PPIE: variants seen among roughly 807,000 people sequenced by gnomAD.
PPIE encodes the protein peptidylprolyl isomerase E.
In PPIE, 20 loss-of-function variants were observed where a neutral mutation model predicts 38.4. The observed-to-expected ratio is 0.52, with a 90% confidence interval of 0.37 to 0.76. The LOEUF (loss-of-function observed/expected upper bound fraction) is 0.76, where lower values mean the gene tolerates loss of function less well. PPIE is among the 30% of genes least tolerant of loss of function. The pLI, the probability that PPIE is intolerant of heterozygous loss-of-function variation, is 0.00. For synonymous variants in PPIE, 142 were observed against 135.7 expected (o/e 1.05, Z -0.32); for missense variants, 322 against 385.8 (o/e 0.83, Z 1.39).
In PPIE at chr1:39,755,618, T is replaced by C; in HGVS notation, c.*2263T>C. ...TGCTTGGACGAGAACCAGGAGAGAG[T>C]GTGTAGAAAAAGCACAGCCAGCCTC... On this transcript the variant is annotated 3_prime_UTR_variant, in exon 10 of 10. Transcript: ENST00000324379. The C allele has an allele frequency of 1.0e-6, 1 of 984,330 alleles. No homozygotes were observed. The highest frequency in any genetic ancestry group is 4.7e-5 in the South Asian group (1 of 21,236). The allele number at this position is 984,330 out of a possible 1,614,324, so 61.0% of individuals were successfully genotyped here.
chr1:39,743,693 C>G (rs1340903000), intron 5 of PPIE, 131 bp from the exon 6 acceptor site: 8 of 696,626 alleles, frequency 1.1e-5, no homozygotes, highest in Non-Finnish European at 1.9e-5. Context: ...TTCCTTACCC[C>G]TGGGAGTTCT....
intron 8 of PPIE, among the ~76,000 whole-genome samples, chr1:39,752,026 C>T (rs1375960313): frequency 6.6e-6 from 1 of 152,048 alleles, no homozygotes; most frequent in East Asian, 1.9e-4. Context: ...TGCTTGTGCC[C>T]CAGAGATTGA....
In PPIE at chr1:39,752,406, T is replaced by C. The variant is rs569528532; in HGVS notation, c.695-504T>C. 1.5e-3 allele frequency among the ~76,000 whole-genome samples: 235 copies of C among 152,260 alleles called. 1 individual carries two copies. Among genetic ancestry groups the C allele is most frequent in the Non-Finnish European group, 2.6e-3 (178 of 68,008 alleles). ...CCTGTTTCAATAAATGACTCCACCA[T>C]CCACTTAGCCGCTTGATCAGAAACT... On this transcript the variant is annotated intron_variant, in intron 8 of 9. Coordinates refer to ENST00000324379, the MANE Select transcript of PPIE (RefSeq NM_006112.4).
In PPIE at chr1:39,741,875, C is replaced by T; in HGVS notation, c.175-20C>T. On this transcript the variant is annotated intron_variant, in intron 3 of 9. Transcript: ENST00000324379. Reference sequence around the variant, plus strand: ...ATTTGGCTGCAAGCCTAAACTTGTACCTTTGTCTTTCCTTGGCAGGATGCT... The same window carrying T: ...ATTTGGCTGCAAGCCTAAACTTGTATCTTTGTCTTTCCTTGGCAGGATGCT... The T allele has an allele frequency of 1.9e-6, 3 of 1,614,174 alleles. No homozygotes were observed. The highest frequency in any genetic ancestry group is 2.5e-6 in the Non-Finnish European group (3 of 1,179,992).
rs139051420 is a variant in PPIE, at chr1:39,755,043, C to T, written c.*1688C>T. 1 of 985,376 alleles carries T rather than the reference C, an allele frequency of 1.0e-6. No homozygotes were observed. The allele number at this position is 985,376 out of a possible 1,614,324, so 61.0% of individuals were successfully genotyped here. ...TGAAGAGAACAAATGGTCCCACCCCCTGCTGAGCTCACAGTCTGGCTCTCC... is the reference window on the plus strand; with the variant it reads ...TGAAGAGAACAAATGGTCCCACCCCTTGCTGAGCTCACAGTCTGGCTCTCC... On this transcript the variant is annotated 3_prime_UTR_variant, in exon 10 of 10. Coordinates refer to ENST00000324379, the MANE Select transcript of PPIE (RefSeq NM_006112.4).
intron 7 of PPIE, chr1:39,748,007 A>T: frequency 6.6e-6 from 1 of 152,086 alleles, no homozygotes; most frequent in East Asian, 1.9e-4. Context: ...AACATGGCTT[A>T]CTGTAGCTTT....
chr1:39,762,554 C>A, intron 9 of PPIE: 6 of 1,550,294 alleles, frequency 3.9e-6, no homozygotes, highest in African/African-American at 1.4e-5. Flanking sequence ...GCCAGGGGAT[C>A]CAGAAAAAAC....
intron 4 of PPIE, chr1:39,742,957 A>G (rs1378414961): frequency 3.2e-6 from 1 of 313,874 alleles, no homozygotes; most frequent in Non-Finnish European, 5.8e-6. Context: ...GGGAAACTGC[A>G]TTTATTTTTG....
At chr1:39,742,533 G>T (rs1647089315) in intron 4 of PPIE, 1 of 126,952 alleles carries the variant, frequency 7.9e-6, no homozygotes. Context: ...GAACTCATGA[G>T]TTCAAGACTT....
At position 39,763,402 on chromosome 1, in the gene PPIE, C is replaced by G. The variant is rs1019761836; in HGVS notation, c.838-287C>G. Among the ~76,000 whole-genome samples, 3 of 145,088 alleles carry G rather than the reference C, an allele frequency of 2.1e-5. 1 individual carries two copies. Among genetic ancestry groups the G allele is most frequent in the African/African-American group, 7.7e-5 (3 of 38,740 alleles). On this transcript the variant is annotated intron_variant, in intron 9 of 9. Transcript: ENST00000356511. ...ACTTTGCGTCCCCTCCCCAGCCGGCCCTCCCCTGCCCACGCCTCCCAGAGC... is the reference window on the plus strand; with the variant it reads ...ACTTTGCGTCCCCTCCCCAGCCGGCGCTCCCCTGCCCACGCCTCCCAGAGC...
Position 39,745,485 on chromosome 1 carries a change from G to T in PPIE, c.495G>T (p.Val165=). 1.9e-6 allele frequency: 3 copies of T among 1,614,202 alleles called. No individual in the cohort carries two copies. The highest frequency in any genetic ancestry group is 2.5e-6 in the Non-Finnish European group (3 of 1,180,042). The change falls in exon 7 of 10, where the codon GTG becomes GTT. Residue 165 remains valine, a synonymous_variant. Transcript: ENST00000324379. The part of the protein sequence containing the change: ...RIQMLLRSDV[V]PMTAENFRCL... ...AGATGCTCCTGCGTTCTGATGTCGT[G>T]CCCATGACAGCAGGTGAGCAGGACG... is the stretch of plus-strand genomic sequence containing the variant.
chr1:39,745,261 A>C (rs745971960), intron 6 of PPIE, 114 bp from the exon 7 acceptor site: 9 of 1,416,132 alleles, frequency 6.4e-6, no homozygotes, highest in Non-Finnish European at 8.8e-6. Flanking sequence ...CCCCGTCAGC[A>C]CTTGCTCCAG....
rs1569730171 is a variant in PPIE at position 39,756,477 on chromosome 1, A to C, written c.*3122A>C. On this transcript the variant is annotated 3_prime_UTR_variant, in exon 10 of 10. Transcript: ENST00000324379. Reference sequence around the variant, plus strand: ...CCAGGATCAGTGCTGTGGCTGTTGGAGTGTCCTCTCCAACAGCATGACAGC... The same window carrying C: ...CCAGGATCAGTGCTGTGGCTGTTGGCGTGTCCTCTCCAACAGCATGACAGC... 1 of 985,396 alleles carries C rather than the reference A, an allele frequency of 1.0e-6. No homozygotes were observed. Among genetic ancestry groups the C allele is most frequent in the Non-Finnish European group, 1.2e-6 (1 of 829,920 alleles). 61.0% of individuals were successfully genotyped at this position (985,396 alleles called of 1,614,324 possible). A position where few individuals can be genotyped will look rare whatever the true frequency, so the allele number is the denominator to read the frequency against.
chr1:39,758,063 G>T (rs934304870), downstream of PPIE: 1 of 152,144 alleles, frequency 6.6e-6, no homozygotes, highest in East Asian at 1.9e-4. Context: ...GACATTCTTG[G>T]TGCACCCCTA....
downstream of PPIE, chr1:39,760,050 C>G (rs1648725625): frequency 3.8e-6 from 1 of 265,304 alleles, no homozygotes; most frequent in South Asian, 5.2e-5. Context: ...AGGTGCCTCT[C>G]AGGTCATTCC....
intron 3 of PPIE, 99 bp from the exon 4 acceptor site, chr1:39,741,796 T>G: frequency 7.6e-7 from 1 of 1,312,056 alleles, no homozygotes; most frequent in Non-Finnish European, 1.1e-6. Context: ...AATACAGAGG[T>G]GGCATTTTTC....
chr1:39,750,481 A>G (rs11585650), intron 8 of PPIE, among the ~76,000 whole-genome samples: 3,928 of 152,312 alleles, frequency 0.026, 99 homozygotes, highest in East Asian at 0.12. Context: ...GAATATTTGC[A>G]TTATACTTAC....
At chr1:39,744,029 A>C in intron 6 of PPIE, 105 bp downstream of exon 6, 1 of 676,750 alleles carries the variant, frequency 1.5e-6, no homozygotes, top group Non-Finnish European at 2.5e-6. Flanking sequence ...ATCAAAGTGG[A>C]GGGAATGAAT....
At chr1:39,751,370 G>T (rs564873731) in intron 8 of PPIE, among the ~76,000 whole-genome samples, 30 of 152,032 alleles carry the variant, frequency 2.0e-4, no homozygotes, top group African/African-American at 6.8e-4. Flanking sequence ...TTTGGTTTTT[G>T]TTTTTTTGAG....
Sources: allele counts gnomAD v4.1 joint callset (sites outside exome capture counted in the v4.1 genomes callset), GRCh38; gene constraint gnomAD v4.1.1; transcripts MANE v1.5; gene names NCBI Gene and HGNC (gene_info 2026-07-23, HGNC 2026-07-21).